The following FLNC variants were observed in gnomAD, a reference collection of about 807,000 sequenced individuals.
FLNC encodes the protein filamin-C.
FLNC carries 91 observed loss-of-function variants against 254.3 expected under a neutral mutation model. That is an observed-to-expected ratio of 0.36 (90% CI 0.30 to 0.43). The LOEUF is 0.43. Ranked by LOEUF, FLNC falls within the 20% of genes least tolerant of loss-of-function variation. FLNC has a pLI of 1.00. For missense variants in FLNC, 2,853 were observed against 3,802.6 expected (o/e 0.75, Z 6.57); for synonymous variants, 1,430 against 1,577.2 (o/e 0.91, Z 2.21).
In FLNC at chr7:128,835,190, G is replaced by A; in HGVS notation, c.353-136G>A. The stretch of plus-strand genomic sequence containing the variant: ...CATCTGAGTGGGGCCTCGCAGGAGG[G>A]AGAGGGTCAGGTAGGCAGAGACTAG... On this transcript the variant is annotated intron_variant, in intron 1 of 47. Transcript: ENST00000325888. This position sits in a 1 kb window ranked among gnomAD's most constrained non-coding sequence, Gnocchi z 5.3. 1 of 1,156,582 alleles carries A rather than the reference G, an allele frequency of 8.6e-7. No homozygotes were observed. 71.6% of individuals were successfully genotyped at this position (1,156,582 alleles called of 1,614,324 possible). A position where few individuals can be genotyped will look rare whatever the true frequency, so the allele number is the denominator to read the frequency against.
At chr7:128,850,233 C>CTCCT (rs2128938021) in intron 31 of FLNC, 151 bp from the exon 32 acceptor site, 1 of 920,592 alleles carries the variant, frequency 1.1e-6, no homozygotes, top group South Asian at 1.4e-5. Context: ...GGGCACAGCA[C>CTCCT]TCCTTCTCTT....
chr7:128,851,401 C>T (rs879917675), intron 34 of FLNC, 41 bp downstream of exon 34: 1 of 1,613,998 alleles, frequency 6.2e-7, no homozygotes, highest in Non-Finnish European at 8.5e-7. Context: ...GGAGACTCAC[C>T]AGGGGCAGGG....
At chr7:128,847,607 G>A in intron 24 of FLNC, 90 bp from the exon 25 acceptor site, 1 of 1,496,182 alleles carries the variant, frequency 6.7e-7, no homozygotes, top group South Asian at 1.1e-5. Context: ...GCATTTCAAA[G>A]GCAGGGAAGG....
chr7:128,832,016 C>A (rs1318421346), intron 1 of FLNC, among the ~76,000 whole-genome samples: 1 of 152,168 alleles, frequency 6.6e-6, no homozygotes, highest in African/African-American at 2.4e-5. Context: ...CCCCACGGCC[C>A]CAGGAGGGGA....
At chr7:128,845,594 G>A (rs568816463) in intron 21 of FLNC, among the ~76,000 whole-genome samples, 71 of 152,304 alleles carry the variant, frequency 4.7e-4, no homozygotes, top group Non-Finnish European at 5.1e-4. Flanking sequence ...CTTTGGGGTA[G>A]AGGATGACAA....
chr7:128,855,417 A>G, intron 43 of FLNC, 103 bp downstream of exon 43: 1 of 798,006 alleles, frequency 1.3e-6, no homozygotes, highest in East Asian at 2.6e-5. Context: ...GTGACCTTGG[A>G]AGGGCCAGTT....
At position 128,830,426 on chromosome 7, in the gene FLNC, C is replaced by G; in HGVS notation, c.-212C>G. Reference sequence around the variant, plus strand: ...AGCCCGCCCTTCCCGAGCACCGCTCCGGCCCTGGAGGGAGAGAGAGCCAGA... The same window carrying G: ...AGCCCGCCCTTCCCGAGCACCGCTCGGGCCCTGGAGGGAGAGAGAGCCAGA... On this transcript the variant is annotated 5_prime_UTR_variant, in exon 1 of 48. Coordinates refer to ENST00000325888, the MANE Select transcript of FLNC (RefSeq NM_001458.5). 1 of 584,624 alleles carries G rather than the reference C, an allele frequency of 1.7e-6. No individual in the cohort carries two copies. The highest frequency in any genetic ancestry group is 3.0e-5 in the East Asian group (1 of 33,276). 36.2% of individuals were successfully genotyped at this position (584,624 alleles called of 1,614,324 possible).
At chr7:128,846,932 C>T (rs2128937072) in intron 24 of FLNC, 27 bp downstream of exon 24, 2 of 1,613,814 alleles carry the variant, frequency 1.2e-6, no homozygotes, top group South Asian at 1.1e-5. Flanking sequence ...GTCGGGGTCT[C>T]AGGGAAGACA....
Position 128,838,348 on chromosome 7 carries a change from A to G in FLNC, c.1129A>G (p.Lys377Glu), listed in dbSNP as rs1035933787. The change falls in exon 7 of 48, where the codon AAG becomes GAG. Residue 377 changes from lysine to glutamate, a missense_variant. Lys to Glu is a moderately conservative substitution (Grantham distance 56, BLOSUM62 1). Coordinates refer to ENST00000325888, the MANE Select transcript of FLNC (RefSeq NM_001458.5). ...NVGMALGDAN[K>E]VSARGPGLEP... ...GGGCATGGCCCTGGGAGATGCCAACAAGGTGTCAGCCCGTGGCCCTGGCCT... is the reference window on the plus strand; with the variant it reads ...GGGCATGGCCCTGGGAGATGCCAACGAGGTGTCAGCCCGTGGCCCTGGCCT... The G allele has an allele frequency of 5.6e-6, 9 of 1,614,070 alleles. No individual in the cohort carries two copies. Among genetic ancestry groups the G allele is most frequent in the Non-Finnish European group, 6.8e-6 (8 of 1,179,996 alleles).
At chr7:128,850,287 T>A in intron 31 of FLNC, 97 bp from the exon 32 acceptor site, 1 of 1,106,740 alleles carries the variant, frequency 9.0e-7, no homozygotes, top group Non-Finnish European at 1.4e-6. Context: ...CATGATTAAC[T>A]ACCTTGTTCT....
chr7:128,844,314 G>A (rs929185524), intron 20 of FLNC, 48 bp downstream of exon 20: 8 of 1,559,736 alleles, frequency 5.1e-6, no homozygotes, highest in Non-Finnish European at 6.9e-6. Flanking sequence ...GACTTGTTGG[G>A]AAGATAGATG....
At position 128,841,200 on chromosome 7, in the gene FLNC, A is replaced by C. The variant is rs1288537484; in HGVS notation, c.1844A>C (p.Lys615Thr). The C allele has an allele frequency of 6.2e-6, 10 of 1,613,936 alleles. No individual in the cohort carries two copies. The highest frequency in any genetic ancestry group is 8.5e-6 in the Non-Finnish European group (10 of 1,179,990). Residue 615 changes from lysine to threonine, a missense_variant, in exon 12 of 48, where the codon AAG becomes ACG. Transcript: ENST00000325888. The surrounding 1 kb of genome is among the most constrained non-coding windows in gnomAD (Gnocchi z 4.3). ...GFSIEGPSQA[K>T]IECDDKGDGS... ...TCCATCGAGGGGCCCTCACAAGCCAAGATCGAATGTGACGACAAGGGGGAT... is the reference window on the plus strand; with the variant it reads ...TCCATCGAGGGGCCCTCACAAGCCACGATCGAATGTGACGACAAGGGGGAT...
chr7:128,835,394 T>C lies in FLNC; in HGVS notation c.421T>C (p.Tyr141His). 2 of 1,614,114 alleles carry C rather than the reference T, an allele frequency of 1.2e-6. No homozygotes were observed. The highest frequency in any genetic ancestry group is 1.7e-6 in the Non-Finnish European group (2 of 1,180,020). ...CCTGATCTGGACGCTGATCCTGCAC[T>C]ACTCCATCTCCATGCCCATGTGGGA... Reference protein sequence around the residue: ...LGLIWTLILHYSISMPMWEDE... With the variant: ...LGLIWTLILHHSISMPMWEDE... The change falls in exon 2 of 48, where the codon TAC becomes CAC. Residue 141 changes from tyrosine (Y) to histidine (H), a missense_variant. By Grantham distance (83) the Tyr-to-His change is moderately conservative. Coordinates refer to ENST00000325888, the MANE Select transcript of FLNC (RefSeq NM_001458.5). This position sits in a 1 kb window ranked among gnomAD's most constrained non-coding sequence, Gnocchi z 5.3.
intron 1 of FLNC, among the ~76,000 whole-genome samples, chr7:128,833,584 C>G (rs1807975736): frequency 6.6e-6 from 1 of 151,794 alleles, no homozygotes; most frequent in African/African-American, 2.4e-5. Context: ...CCCTCTCCAG[C>G]AAATATGAAT....
Position 128,858,703 on chromosome 7 carries a change from G to T in FLNC, c.*180G>T. ...CCACCCCACCGCGCCCCAGGGGTTG[G>T]AGGACCTTGTCTGTGTCAGGACAGT... On this transcript the variant is annotated 3_prime_UTR_variant, in exon 48 of 48. Coordinates refer to ENST00000325888, the MANE Select transcript of FLNC (RefSeq NM_001458.5). This position sits in a 1 kb window ranked among gnomAD's most constrained non-coding sequence, Gnocchi z 6.7. 3.2e-6 allele frequency: 2 copies of T among 626,372 alleles called. No individual in the cohort carries two copies. Among genetic ancestry groups the T allele is most frequent in the Middle Eastern group, 4.3e-4 (1 of 2,312 alleles). The allele number at this position is 626,372 out of a possible 1,614,324, so 38.8% of individuals were successfully genotyped here. A position where few individuals can be genotyped will look rare whatever the true frequency, so the allele number is the denominator to read the frequency against.
At position 128,849,496 on chromosome 7, in the gene FLNC, A is replaced by G; in HGVS notation, c.5117A>G (p.Tyr1706Cys). ...ENHDGTFDIY[Y>C]TAPEPGKYVI... ...CATGACGGTACCTTTGACATCTACT[A>G]CACAGCGCCCGAGCCGGGCAAGTAC... Residue 1706 changes from tyrosine (Y) to cysteine (C), a missense_variant, in exon 30 of 48, where the codon TAC becomes TGC. This residue lies in a region of FLNC where 258 missense variants were observed against 312.3 expected (regional missense o/e 0.83). Transcript: ENST00000325888. 1.2e-6 allele frequency: 2 copies of G among 1,614,184 alleles called. No individual in the cohort carries two copies. Among genetic ancestry groups the G allele is most frequent in the Non-Finnish European group, 1.7e-6 (2 of 1,180,028 alleles).
chr7:128,855,074 CAT>C (rs772196300), intron 42 of FLNC, 123 bp from the exon 43 acceptor site: 13 of 1,049,744 alleles, frequency 1.2e-5, no homozygotes, highest in East Asian at 4.7e-5. Flanking sequence ...CCCTCAGAAA[CAT>C]GTGTCTGCCT....
chr7:128,855,962 G>A (rs559879807), intron 43 of FLNC, among the ~76,000 whole-genome samples: 18 of 152,230 alleles, frequency 1.2e-4, no homozygotes, highest in Admixed American at 2.0e-4. Context: ...CTTCTCCCAC[G>A]CGCCTCCTGG....
chr7:128,839,127 C>A (rs1180474744), intron 8 of FLNC, among the ~76,000 whole-genome samples: 1 of 152,240 alleles, frequency 6.6e-6, no homozygotes, highest in Non-Finnish European at 1.5e-5. Context: ...CCATCGTCCA[C>A]CAGGCCGAGA....
Sources: allele counts gnomAD v4.1 joint callset (sites outside exome capture counted in the v4.1 genomes callset), GRCh38; gene constraint gnomAD v4.1.1; regional missense constraint gnomAD v4.1.1; non-coding constraint Gnocchi (gnomAD v3.1); transcripts MANE v1.5; gene names NCBI Gene and HGNC (gene_info 2026-07-23, HGNC 2026-07-21).